CIMIP4: variants seen among roughly 807,000 people sequenced by gnomAD.
CIMIP4 encodes the protein protein EAN57.
At chr22:36,991,453 C>T in the CIMIP4 span, 1 of 1,607,038 alleles carries the variant, frequency 6.2e-7, no homozygotes, top group Non-Finnish European at 8.5e-7. Context: ...CAGTCCCTGC[C>T]TCCCATCACC....
chr22:36,998,266 A>G, the CIMIP4 span, among the ~76,000 whole-genome samples: 1 of 152,228 alleles, frequency 6.6e-6, no homozygotes, highest in African/African-American at 2.4e-5. Context: ...ACAGAGAACA[A>G]GCAGAACTGT....
the CIMIP4 span, chr22:36,991,333 T>C: frequency 6.3e-7 from 1 of 1,590,476 alleles, no homozygotes; most frequent in Non-Finnish European, 8.6e-7. Flanking sequence ...GTCTCTGGAG[T>C]TGCCCAGACC....
the CIMIP4 span, among the ~76,000 whole-genome samples, chr22:37,006,655 G>C: frequency 1.3e-5 from 2 of 152,146 alleles, no homozygotes; most frequent in Non-Finnish European, 2.9e-5. Context: ...GAATTTTAAA[G>C]ATCTTAGGAG....
chr22:37,005,190 A>T, the CIMIP4 span, among the ~76,000 whole-genome samples: 1 of 152,118 alleles, frequency 6.6e-6, no homozygotes, highest in Non-Finnish European at 1.5e-5. Context: ...CTGACACCTG[A>T]ATGAGCTTGA....
the CIMIP4 span, among the ~76,000 whole-genome samples, chr22:37,003,053 G>A: frequency 6.6e-3 from 1,001 of 152,332 alleles, 13 homozygotes; most frequent in African/African-American, 0.023. Flanking sequence ...ATGTTTGGTG[G>A]TCTTCCCTCC....
the CIMIP4 span, among the ~76,000 whole-genome samples, chr22:37,000,563 C>A: frequency 1.1e-4 from 16 of 152,284 alleles, no homozygotes; most frequent in East Asian, 2.9e-3. Flanking sequence ...CTTCAGCAAG[C>A]CTCTTCTCCA....
the CIMIP4 span, among the ~76,000 whole-genome samples, chr22:37,007,304 G>T: frequency 6.6e-6 from 1 of 152,222 alleles, no homozygotes; most frequent in Non-Finnish European, 1.5e-5. Flanking sequence ...CCAGTAAGGT[G>T]TTCGGAGACA....
the CIMIP4 span, among the ~76,000 whole-genome samples, chr22:36,997,291 C>T: frequency 2.0e-4 from 30 of 152,330 alleles, no homozygotes; most frequent in African/African-American, 6.3e-4. Flanking sequence ...AGATGATCTA[C>T]GATTTAGCAT....
the CIMIP4 span, among the ~76,000 whole-genome samples, chr22:36,996,708 G>A: frequency 2.4e-4 from 36 of 152,152 alleles, no homozygotes; most frequent in African/African-American, 8.4e-4. Context: ...GGAGAGTAAA[G>A]GGCCTAGAAA....
the CIMIP4 span, among the ~76,000 whole-genome samples, chr22:36,996,879 T>C: frequency 1.8e-4 from 28 of 152,320 alleles, no homozygotes; most frequent in African/African-American, 6.3e-4. Flanking sequence ...CAAAACCTGA[T>C]GGATAACAGA....
chr22:37,004,633 G>A, the CIMIP4 span, among the ~76,000 whole-genome samples: 2 of 151,966 alleles, frequency 1.3e-5, no homozygotes, highest in African/African-American at 4.8e-5. Context: ...AAATTAGAGG[G>A]GTAGATTCAA....
At chr22:36,991,651 G>A in the CIMIP4 span, 1 of 1,329,080 alleles carries the variant, frequency 7.5e-7, no homozygotes, top group Non-Finnish European at 1.1e-6. Flanking sequence ...GGTACTCCAT[G>A]GCTTATATTG....
chr22:36,999,522 G>A, the CIMIP4 span, among the ~76,000 whole-genome samples: 1 of 27,370 alleles, frequency 3.7e-5, no homozygotes, highest in Non-Finnish European at 6.7e-5. Flanking sequence ...AAAGGGAAGG[G>A]GAGGGGAGGG....
At chr22:37,004,044 G>A in the CIMIP4 span, 168 of 1,537,664 alleles carry the variant, frequency 1.1e-4, no homozygotes, top group African/African-American at 1.4e-3. Flanking sequence ...AAAGCACCAC[G>A]TTTCATCGTC....
chr22:37,003,855 G>A, the CIMIP4 span: 3 of 1,159,468 alleles, frequency 2.6e-6, no homozygotes, highest in South Asian at 3.5e-5. Context: ...TGGGTCTGGA[G>A]GCCAACACAA....
At chr22:37,002,013 T>A in the CIMIP4 span, 1 of 1,613,404 alleles carries the variant, frequency 6.2e-7, no homozygotes, top group Non-Finnish European at 8.5e-7. Context: ...GTGGCCCTGT[T>A]CTCTCTCGAG....
At chr22:37,003,826 A>C in the CIMIP4 span, 1 of 740,608 alleles carries the variant, frequency 1.4e-6, no homozygotes, top group Non-Finnish European at 2.0e-6. Flanking sequence ...ATGCCCCCCT[A>C]GGAAGCCTGG....
the CIMIP4 span, among the ~76,000 whole-genome samples, chr22:37,002,761 G>A: frequency 6.6e-6 from 1 of 152,186 alleles, no homozygotes; most frequent in Non-Finnish European, 1.5e-5. Flanking sequence ...ACTGGCAGAG[G>A]CGTTCCTGGG....
the CIMIP4 span, among the ~76,000 whole-genome samples, chr22:36,995,947 C>T: frequency 1.3e-5 from 2 of 151,912 alleles, no homozygotes; most frequent in Non-Finnish European, 2.9e-5. Context: ...CCTGTTTTTC[C>T]TGCTTATAGA....
Sources: gnomAD v4.1 joint callset for allele counts (sites outside exome capture counted in the v4.1 genomes callset) on GRCh38, gnomAD v4.1.1 for gene constraint, MANE v1.5 for transcripts, NCBI Gene and HGNC (gene_info 2026-07-23, HGNC 2026-07-21) for gene names.